The following ANKS1A variants were observed in gnomAD, a reference collection of about 807,000 sequenced individuals.
ANKS1A encodes the protein ankyrin repeat and sterile alpha motif domain containing 1A.
In ANKS1A, 55 loss-of-function variants were observed where a neutral mutation model predicts 120.3. That is an observed-to-expected ratio of 0.46 (90% CI 0.37 to 0.57). ANKS1A has a LOEUF of 0.57. Among genes scored for constraint, ANKS1A ranks in the 20% least tolerant of loss-of-function variants. The pLI is 0.00. For synonymous variants in ANKS1A, 590 were observed against 604.7 expected (o/e 0.98, Z 0.36); for missense variants, 1,123 against 1,480.3 (o/e 0.76, Z 3.96).
intron 1 of ANKS1A, among the ~76,000 whole-genome samples, chr6:34,953,651 C>T (rs941663805): frequency 6.6e-6 from 1 of 152,118 alleles, no homozygotes; most frequent in Non-Finnish European, 1.5e-5. Flanking sequence ...AGGACAGGGA[C>T]TTGGTCTTAT....
At chr6:35,059,358 AC>A (rs1358010054) in intron 12 of ANKS1A, among the ~76,000 whole-genome samples, 4 of 151,970 alleles carry the variant, frequency 2.6e-5, no homozygotes, top group African/African-American at 9.7e-5. Context: ...CCTGAGCCTG[AC>A]CCCCGAGCCC....
chr6:35,072,343 G>A (rs1257067536), intron 13 of ANKS1A, among the ~76,000 whole-genome samples: 2 of 152,234 alleles, frequency 1.3e-5, no homozygotes, highest in African/African-American at 2.4e-5. Flanking sequence ...GCATCTTCAG[G>A]TGGAGCCCAG....
chr6:35,003,845 A>G (rs974187200), intron 10 of ANKS1A, among the ~76,000 whole-genome samples: 6 of 152,168 alleles, frequency 3.9e-5, no homozygotes. Flanking sequence ...AGACCCTCTC[A>G]TATTGTTTTA....
chr6:34,992,340 G>C (rs895010749), intron 9 of ANKS1A, among the ~76,000 whole-genome samples: 5 of 152,194 alleles, frequency 3.3e-5, no homozygotes, highest in Admixed American at 3.3e-4. Flanking sequence ...TCCTGCACAA[G>C]AACTAGGCAC....
intron 3 of ANKS1A, among the ~76,000 whole-genome samples, chr6:34,975,458 AAC>A (rs1491426371): frequency 1.3e-5 from 2 of 150,318 alleles, no homozygotes; most frequent in Non-Finnish European, 1.5e-5. Context: ...AAAAAAAAAA[AAC>A]AACAAAAAAA....
chr6:35,006,479 G>T (rs1773463214), intron 10 of ANKS1A, among the ~76,000 whole-genome samples: 1 of 152,174 alleles, frequency 6.6e-6, no homozygotes, highest in Admixed American at 6.5e-5. Flanking sequence ...TCTCGGCCAG[G>T]CGTGGTGGCT....
chr6:34,926,199 G>A (rs1768707646), intron 1 of ANKS1A, among the ~76,000 whole-genome samples: 1 of 152,190 alleles, frequency 6.6e-6, no homozygotes, highest in South Asian at 2.1e-4. Flanking sequence ...TCCCAGCTAT[G>A]GGTGTGCCAC....
chr6:34,976,739 A>G (rs562029230), intron 3 of ANKS1A, among the ~76,000 whole-genome samples: 2 of 150,838 alleles, frequency 1.3e-5, no homozygotes, highest in Admixed American at 6.6e-5. Flanking sequence ...CAGTGTTAAC[A>G]TTTTGCTACC....
chr6:34,972,309 G>A (rs1771222855), intron 3 of ANKS1A, among the ~76,000 whole-genome samples: 1 of 152,168 alleles, frequency 6.6e-6, no homozygotes, highest in African/African-American at 2.4e-5. Context: ...GATGTCTGCA[G>A]TAGCTTGAAG....
At chr6:34,953,608 TA>T (rs1770197469) in intron 1 of ANKS1A, among the ~76,000 whole-genome samples, 1 of 152,216 alleles carries the variant, frequency 6.6e-6, no homozygotes, top group East Asian at 1.9e-4. Context: ...CTTTACAGTA[TA>T]ATTTTTTGTT....
intron 1 of ANKS1A, among the ~76,000 whole-genome samples, chr6:34,964,234 T>C (rs1770787052): frequency 1.3e-5 from 2 of 152,352 alleles, no homozygotes; most frequent in African/African-American, 4.8e-5. Context: ...TGTCTTCTTT[T>C]CCTTGCGCAT....
At chr6:35,048,475 C>G (rs1332926490) in intron 11 of ANKS1A, among the ~76,000 whole-genome samples, 1 of 152,218 alleles carries the variant, frequency 6.6e-6, no homozygotes, top group African/African-American at 2.4e-5. Context: ...TCCCCTCCCC[C>G]ATCCCCTTCT....
intron 11 of ANKS1A, among the ~76,000 whole-genome samples, chr6:35,025,030 G>C (rs1195647396): frequency 6.6e-6 from 1 of 152,108 alleles, no homozygotes; most frequent in Non-Finnish European, 1.5e-5. Flanking sequence ...TTAGGACCTG[G>C]AGTGTCTATT....
At position 34,922,680 on chromosome 6, in the gene ANKS1A, G is replaced by A. The variant is rs76624568; in HGVS notation, c.197+33081G>A. 7.4e-3 allele frequency among the ~76,000 whole-genome samples: 1,116 copies of A among 150,318 alleles called. 19 individuals are homozygous for A. Among genetic ancestry groups the A allele is most frequent in the African/African-American group, 0.025 (1,019 of 40,850 alleles). On this transcript the variant is annotated intron_variant, in intron 1 of 23. Transcript: ENST00000360359. Reference sequence around the variant, plus strand: ...GCAGAGAAAGAGAGCATGGAGGATTGAATCTGGGCATTTCTTTTTTTTTTT... The same window carrying A: ...GCAGAGAAAGAGAGCATGGAGGATTAAATCTGGGCATTTCTTTTTTTTTTT...
In ANKS1A at chr6:34,982,893, C is replaced by T; in HGVS notation, c.808+66C>T. Reference sequence around the variant, plus strand: ...GGTTGGGATTGTTTCTCCCTAGTCCCCTAGGGGGATTTTTGCTGGCTGTGT... The same window carrying T: ...GGTTGGGATTGTTTCTCCCTAGTCCTCTAGGGGGATTTTTGCTGGCTGTGT... On this transcript the variant is annotated intron_variant, in intron 5 of 23. Coordinates refer to ENST00000360359, the MANE Select transcript of ANKS1A (RefSeq NM_015245.3). This position sits in a 1 kb window ranked among gnomAD's most constrained non-coding sequence, Gnocchi z 4.9. 1 of 1,582,920 alleles carries T rather than the reference C, an allele frequency of 6.3e-7. No homozygotes were observed. Among genetic ancestry groups the T allele is most frequent in the Non-Finnish European group, 8.7e-7 (1 of 1,152,300 alleles).
chr6:35,035,003 C>T (rs1366581175), intron 11 of ANKS1A, among the ~76,000 whole-genome samples: 2 of 152,240 alleles, frequency 1.3e-5, no homozygotes, highest in Non-Finnish European at 1.5e-5. Context: ...TCATTACCCG[C>T]GAGTAAGTGG....
At chr6:35,029,932 C>T (rs1774821948) in intron 11 of ANKS1A, among the ~76,000 whole-genome samples, 1 of 151,298 alleles carries the variant, frequency 6.6e-6, no homozygotes, top group African/African-American at 2.4e-5. Context: ...ATCTTTGTTT[C>T]TTCGGAATTC....
intron 11 of ANKS1A, among the ~76,000 whole-genome samples, chr6:35,037,478 G>A (rs1423375509): frequency 6.6e-6 from 1 of 152,210 alleles, no homozygotes; most frequent in South Asian, 2.1e-4. Context: ...GGGGAGTGGG[G>A]GAGTGAGAAA....
intron 9 of ANKS1A, among the ~76,000 whole-genome samples, chr6:34,991,597 T>C (rs145221771): frequency 0.021 from 3,042 of 147,810 alleles, 61 homozygotes; most frequent in Middle Eastern, 0.043. Context: ...CATATATATA[T>C]ACACACATAT....
Sources: allele counts gnomAD v4.1 joint callset (sites outside exome capture counted in the v4.1 genomes callset), GRCh38; gene constraint gnomAD v4.1.1; non-coding constraint Gnocchi (gnomAD v3.1); transcripts MANE v1.5; gene names NCBI Gene and HGNC (gene_info 2026-07-23, HGNC 2026-07-21).